Variants in ZDHHC4 observed in about 807,000 individuals in gnomAD.
ZDHHC4 encodes zDHHC palmitoyltransferase 4.
ZDHHC4 carries 42 observed loss-of-function variants against 36.7 expected under a neutral mutation model. The observed-to-expected ratio is 1.14, with a 90% CI of 0.89 to 1.48. ZDHHC4 has a LOEUF of 1.48. Among genes scored for constraint, ZDHHC4 ranks in the 40% most tolerant of loss-of-function variants. ZDHHC4 has a pLI of 0.00. For missense variants in ZDHHC4, 457 were observed against 421.5 expected (o/e 1.08, Z -0.74); for synonymous variants, 189 against 166.6 (o/e 1.13, Z -1.03).
Position 6,585,052 on chromosome 7 carries a change from A to G in ZDHHC4, c.533A>G (p.His178Arg). ...TGGTGTGTGCACCGTTTCGACCATC[A>G]CTGTGTTTGGGTGAACAACTGCATC... The part of the protein sequence containing the change: ...CNWCVHRFDH[H>R]CVWVNNCIGA... The change falls in exon 7 of 8, where the codon CAC becomes CGC. Residue 178 changes from histidine to arginine, a missense_variant. Transcript: ENST00000335965. 6.2e-7 allele frequency: 1 copy of G among 1,614,018 alleles called. No homozygotes were observed. The highest frequency in any genetic ancestry group is 8.5e-7 in the Non-Finnish European group (1 of 1,180,010).
At position 6,585,135 on chromosome 7, in the gene ZDHHC4, G is replaced by C. The variant is rs1197592220; in HGVS notation, c.616G>C (p.Ala206Pro). 1.2e-6 allele frequency: 2 copies of C among 1,614,110 alleles called. No homozygotes were observed. The highest frequency in any genetic ancestry group is 2.7e-5 in the African/African-American group (2 of 75,014). Residue 206 changes from alanine to proline, a missense_variant, in exon 7 of 8, where the codon GCC (alanine) becomes CCC (proline). By Grantham distance (27) the Ala-to-Pro change is conservative (BLOSUM62 -1). Transcript: ENST00000335965. ...CGTCTTGACCTTGACGGCCTCGGCT[G>C]CCACCGTCGCCATTGTGAGCACCAC... ...IYVLTLTASAATVAIVSTTFL... is the reference protein window; with the variant it reads ...IYVLTLTASAPTVAIVSTTFL...
At position 6,588,647 on chromosome 7, in the gene ZDHHC4, T is replaced by C. The variant is rs1221308152; in HGVS notation, c.772T>C (p.Phe258Leu). Residue 258 changes from phenylalanine to leucine, a missense_variant, in exon 8 of 8, where the codon TTC (phenylalanine) becomes CTC (leucine). Coordinates refer to ENST00000335965, the MANE Select transcript of ZDHHC4 (RefSeq NM_001134389.2). ...YLFLTFPRIV[F>L]MLGFVVVLSF... ...GTTCCTGACTTTTCCACGGATTGTC[T>C]TCATGCTGGGCTTTGTCGTGGTTCT... The C allele has an allele frequency of 6.2e-7, 1 of 1,614,216 alleles. No homozygotes were observed. Among genetic ancestry groups the C allele is most frequent in the South Asian group, 1.1e-5 (1 of 91,080 alleles).
At chr7:6,580,768 C>T in intron 3 of ZDHHC4, 90 bp downstream of exon 3, 1 of 1,284,846 alleles carries the variant, frequency 7.8e-7, no homozygotes, top group South Asian at 1.2e-5. Context: ...AAAAGAGATG[C>T]CAGGCCGGGT....
In ZDHHC4 at chr7:6,581,677, C is replaced by T. The variant is rs150919608; in HGVS notation, c.188C>T (p.Thr63Met). Residue 63 changes from threonine to methionine, a missense_variant, in exon 4 of 8, where the codon ACG (threonine) becomes ATG (methionine). Physicochemically the swap from Thr to Met is moderately conservative, Grantham distance 81 (BLOSUM62 -1). Coordinates refer to ENST00000335965, the MANE Select transcript of ZDHHC4 (RefSeq NM_001134389.2). ...GGATTGCTTCATTACCTTTTCCATA[C>T]GAGGTATTTCTCTTTCAGAGTTTAA... ...VHGLLHYLFHTRNHTFIVLHL... is the reference protein window; with the variant it reads ...VHGLLHYLFHMRNHTFIVLHL... 6.2e-6 allele frequency: 10 copies of T among 1,600,726 alleles called. No individual in the cohort carries two copies. Among genetic ancestry groups the T allele is most frequent in the South Asian group, 2.2e-5 (2 of 90,372 alleles).
chr7:6,589,033 G>A lies in ZDHHC4; in HGVS notation c.*123G>A. 1 of 1,251,550 alleles carries A rather than the reference G, an allele frequency of 8.0e-7. No homozygotes were observed. The highest frequency in any genetic ancestry group is 1.1e-6 in the Non-Finnish European group (1 of 903,548). 77.5% of individuals were successfully genotyped at this position (1,251,550 alleles called of 1,614,324 possible). Reference sequence around the variant, plus strand: ...CTTATAAATCACTTTCGGTGGGCAAGGGAGAGAGGGGAAAATGGGTGTTGA... The same window carrying A: ...CTTATAAATCACTTTCGGTGGGCAAAGGAGAGAGGGGAAAATGGGTGTTGA... On this transcript the variant is annotated 3_prime_UTR_variant, in exon 8 of 8. Transcript: ENST00000335965.
chr7:6,586,935 C>G (rs1342205411), intron 7 of ZDHHC4, among the ~76,000 whole-genome samples: 2 of 151,962 alleles, frequency 1.3e-5, no homozygotes, highest in Non-Finnish European at 2.9e-5. Flanking sequence ...TTTGTGTGGA[C>G]ATAGGTTTTT....
Position 6,585,101 on chromosome 7 carries a change from C to G in ZDHHC4, c.582C>G (p.Phe194Leu), listed in dbSNP as rs189494308. 83 of 1,614,132 alleles carry G rather than the reference C, an allele frequency of 5.1e-5. No homozygotes were observed. Among genetic ancestry groups the G allele is most frequent in the Admixed American group, 1.3e-4 (8 of 59,998 alleles). The change falls in exon 7 of 8, where the codon TTC becomes TTG. Residue 194 changes from phenylalanine to leucine, a missense_variant. Phe to Leu is a conservative substitution (Grantham distance 22). Transcript: ENST00000335965. ...TCGGGGCCTGGAACATCAGGTACTT[C>G]CTCATCTACGTCTTGACCTTGACGG... ...NCIGAWNIRY[F>L]LIYVLTLTAS...
At chr7:6,581,514 C>A in intron 3 of ZDHHC4, 93 bp from the exon 4 acceptor site, 1 of 928,846 alleles carries the variant, frequency 1.1e-6, no homozygotes, top group Non-Finnish European at 1.7e-6. Context: ...TTACTATCAC[C>A]CAGATTGCCA....
At chr7:6,583,586 A>G (rs1781021570) in intron 6 of ZDHHC4, 155 bp downstream of exon 6, 7 of 1,047,162 alleles carry the variant, frequency 6.7e-6, no homozygotes, top group Non-Finnish European at 9.3e-6. Flanking sequence ...GGTTTCTTTC[A>G]GATGAGTGAG....
At chr7:6,578,429 A>G (rs1204083054) in intron 1 of ZDHHC4, 137 bp from the exon 2 acceptor site, 1 of 152,216 alleles carries the variant, frequency 6.6e-6, no homozygotes, top group Non-Finnish European at 1.5e-5. Context: ...AGTCTGGGCC[A>G]TTTCTCCCAA....
rs1780615049 is a variant in ZDHHC4, at chr7:6,578,680, T to C, written c.-48T>C. On this transcript the variant is annotated 5_prime_UTR_variant, in exon 2 of 8. The change abolishes an upstream ATG in the 5' untranslated region. Coordinates refer to ENST00000335965, the MANE Select transcript of ZDHHC4 (RefSeq NM_001134389.2). Reference sequence around the variant, plus strand: ...TATCTGTGAATGTTGGGAAGAGGAATGCCAGAGCTGCCGGCTGAAAATTAC... The same window carrying C: ...TATCTGTGAATGTTGGGAAGAGGAACGCCAGAGCTGCCGGCTGAAAATTAC... 1 of 152,200 alleles carries C rather than the reference T, an allele frequency of 6.6e-6. No homozygotes were observed. Among genetic ancestry groups the C allele is most frequent in the Non-Finnish European group, 1.5e-5 (1 of 68,040 alleles). The allele number at this position is 152,200 out of a possible 1,614,324, so 9.4% of individuals were successfully genotyped here. A position where few individuals can be genotyped will look rare whatever the true frequency, so the allele number is the denominator to read the frequency against.
At chr7:6,580,438 A>G in intron 2 of ZDHHC4, 117 bp from the exon 3 acceptor site, 1 of 840,798 alleles carries the variant, frequency 1.2e-6, no homozygotes, top group East Asian at 2.4e-5. Flanking sequence ...TTGAGATGTC[A>G]TTAAAGTCTA....
At position 6,583,296 on chromosome 7, in the gene ZDHHC4, C is replaced by T. The variant is rs767328805; in HGVS notation, c.371-10C>T. On this transcript the variant is annotated splice_polypyrimidine_tract_variant and intron_variant, in intron 5 of 7. Coordinates refer to ENST00000335965, the MANE Select transcript of ZDHHC4 (RefSeq NM_001134389.2). ...TGCACGAAACTGACATATGTCCTTACTTTTCCCAGGCATTATAACAAAAGC... is the reference window on the plus strand; with the variant it reads ...TGCACGAAACTGACATATGTCCTTATTTTTCCCAGGCATTATAACAAAAGC... 10 of 1,613,378 alleles carry T rather than the reference C, an allele frequency of 6.2e-6. No homozygotes were observed. The highest frequency in any genetic ancestry group is 1.7e-6 in the Non-Finnish European group (2 of 1,179,750).
Position 6,588,817 on chromosome 7 carries a change from C to A in ZDHHC4, c.942C>A (p.Val314=), listed in dbSNP as rs773104772. The A allele has an allele frequency of 1.5e-5, 25 of 1,614,196 alleles. 1 individual carries two copies. The South Asian group carries it at 2.6e-4, about 17-fold the overall frequency. The change falls in exon 8 of 8, where the codon GTC becomes GTA. Residue 314 remains valine, a synonymous_variant. Transcript: ENST00000335965. ...GGCCTCCGTCAGCAGAGCCCCAAGT[C>A]CACCGGAACATTCACTCCCATGGGC... ...VAWPPSAEPQ[V]HRNIHSHGLR...
At position 6,581,619 on chromosome 7, in the gene ZDHHC4, A is replaced by G; in HGVS notation, c.130A>G (p.Ile44Val). 1.2e-6 allele frequency: 2 copies of G among 1,611,076 alleles called. No homozygotes were observed. The highest frequency in any genetic ancestry group is 1.1e-5 in the South Asian group (1 of 90,876). Residue 44 changes from isoleucine to valine, a missense_variant, in exon 4 of 8, where the codon ATA becomes GTA. Coordinates refer to ENST00000335965, the MANE Select transcript of ZDHHC4 (RefSeq NM_001134389.2). ...ARGGAQIFSC[I>V]IPECLQRAVH... The stretch of plus-strand genomic sequence containing the variant: ...CCTTTTGTTTCAGATATTTTCCTGT[A>G]TAATTCCAGAATGTCTTCAGAGAGC...
In ZDHHC4 at chr7:6,585,051, C is replaced by G; in HGVS notation, c.532C>G (p.His178Asp). The change falls in exon 7 of 8, where the codon CAC becomes GAC. Residue 178 changes from histidine (H) to aspartate (D), a missense_variant. His to Asp is a moderately conservative substitution (Grantham distance 81, BLOSUM62 -1). Coordinates refer to ENST00000335965, the MANE Select transcript of ZDHHC4 (RefSeq NM_001134389.2). ...CTGGTGTGTGCACCGTTTCGACCATCACTGTGTTTGGGTGAACAACTGCAT... is the reference window on the plus strand; with the variant it reads ...CTGGTGTGTGCACCGTTTCGACCATGACTGTGTTTGGGTGAACAACTGCAT... ...CNWCVHRFDH[H>D]CVWVNNCIGA... The G allele has an allele frequency of 6.2e-7, 1 of 1,614,148 alleles. No homozygotes were observed. Among genetic ancestry groups the G allele is most frequent in the Non-Finnish European group, 8.5e-7 (1 of 1,180,032 alleles).
chr7:6,581,564 A>G lies in ZDHHC4; in HGVS notation c.118-43A>G, dbSNP rs1486602265. 4 of 1,467,538 alleles carry G rather than the reference A, an allele frequency of 2.7e-6. No individual in the cohort carries two copies. In the South Asian group the frequency reaches 3.4e-5, roughly 13 times the overall value. 90.9% of individuals were successfully genotyped at this position (1,467,538 alleles called of 1,614,324 possible). A position where few individuals can be genotyped will look rare whatever the true frequency, so the allele number is the denominator to read the frequency against. ...GTCTGATTTGTTTGGGAGTGGAGGAAGTGAGAAATGAAATTGAGTCTTTCT... is the reference window on the plus strand; with the variant it reads ...GTCTGATTTGTTTGGGAGTGGAGGAGGTGAGAAATGAAATTGAGTCTTTCT... On this transcript the variant is annotated intron_variant, in intron 3 of 7. Coordinates refer to ENST00000335965, the MANE Select transcript of ZDHHC4 (RefSeq NM_001134389.2).
intron 7 of ZDHHC4, among the ~76,000 whole-genome samples, chr7:6,587,039 A>C (rs1252977485): frequency 6.6e-6 from 1 of 150,946 alleles, no homozygotes. Flanking sequence ...CTGCTGGGTC[A>C]TATGGTAACT....
At chr7:6,581,769 G>A in intron 4 of ZDHHC4, 89 bp downstream of exon 4, 1 of 1,128,714 alleles carries the variant, frequency 8.9e-7, no homozygotes, top group Non-Finnish European at 1.3e-6. Flanking sequence ...AGCTCCTTGT[G>A]GTTTCCAGCA....
Sources: gnomAD v4.1 joint callset for allele counts (sites outside exome capture counted in the v4.1 genomes callset) on GRCh38, gnomAD v4.1.1 for gene constraint, MANE v1.5 for transcripts, NCBI Gene and HGNC (gene_info 2026-07-23, HGNC 2026-07-21) for gene names.